The following KIF13A variants were observed in gnomAD, a reference collection of about 807,000 sequenced individuals.
KIF13A encodes kinesin family member 13A.
KIF13A carries 79 observed loss-of-function variants against 212.2 expected under a neutral mutation model. The ratio of observed to expected loss-of-function variants is 0.37; its 90% CI spans 0.31 to 0.45. The LOEUF is 0.45. Ranked by LOEUF, KIF13A falls within the 20% of genes least tolerant of loss-of-function variation. The probability of loss-of-function intolerance (pLI) is 1.00; values close to 1 mark genes in which losing one functional copy is unlikely to be tolerated. For synonymous variants in KIF13A, 789 were observed against 808.6 expected, an observed-to-expected ratio of 0.98 and a Z score of 0.41; for missense variants, 1,901 against 2,209.0, an observed-to-expected ratio of 0.86 and a Z score of 2.79.
At chr6:17,820,442 C>A (rs866620584) in intron 16 of KIF13A, among the ~76,000 whole-genome samples, 9 of 152,160 alleles carry the variant, frequency 5.9e-5, no homozygotes, top group South Asian at 2.1e-4. Context: ...ATTTTCTTTT[C>A]AAATCAATTA....
rs1023854342 is a variant in KIF13A, at chr6:17,918,135, G to C, written c.147-19955C>G. On this transcript the variant is annotated intron_variant, in intron 2 of 38. Transcript: ENST00000259711. The surrounding 1 kb of genome is among the most constrained non-coding windows in gnomAD (Gnocchi z 4.8). ...TAGGTCTGCCCTGCTTGGTGTCATG[G>C]ACCCCACACCAGGCACATGGTAAGC... Among the ~76,000 whole-genome samples the C allele has an allele frequency of 6.6e-6, 1 of 151,868 alleles. No individual in the cohort carries two copies. The highest frequency in any genetic ancestry group is 2.4e-5 in the African/African-American group (1 of 41,332).
rs151154826 is a variant in KIF13A, at chr6:17,872,083, T to G, written c.220+1294A>C. Among the ~76,000 whole-genome samples, 113 of 152,280 alleles carry G rather than the reference T, an allele frequency of 7.4e-4. 1 individual carries two copies. The highest frequency in any genetic ancestry group is 2.5e-3 in the African/African-American group (104 of 41,554). ...GAACTACTTACTCACTTTAATAAAA[T>G]ATATTGCTCAAGTTGTAGGAATGAT... is the stretch of plus-strand genomic sequence containing the variant. On this transcript the variant is annotated intron_variant, in intron 4 of 38. Coordinates refer to ENST00000259711, the MANE Select transcript of KIF13A (RefSeq NM_022113.6). This position sits in a 1 kb window ranked among gnomAD's most constrained non-coding sequence, Gnocchi z 4.7.
chr6:17,857,186 T>C (rs992030547), intron 4 of KIF13A, among the ~76,000 whole-genome samples: 1 of 152,206 alleles, frequency 6.6e-6, no homozygotes, highest in African/African-American at 2.4e-5. Flanking sequence ...TATACTATGA[T>C]ATATGATGAC....
At chr6:17,801,837 C>G (rs141968767) in intron 20 of KIF13A, among the ~76,000 whole-genome samples, 1 of 152,294 alleles carries the variant, frequency 6.6e-6, no homozygotes, top group East Asian at 1.9e-4. Flanking sequence ...GAAAGCCACA[C>G]AGATATGAGG....
rs1759210802 is a variant in KIF13A at position 17,768,469 on chromosome 6, C to T, written c.4581+2645G>A. On this transcript the variant is annotated intron_variant, in intron 38 of 38. Transcript: ENST00000259711. This position sits in a 1 kb window ranked among gnomAD's most constrained non-coding sequence, Gnocchi z 5.4. ...ATTTCCACTCCTATTATAATCATGT[C>T]GTGCTGTTCACCAGAGATCTCTGTT... Among the ~76,000 whole-genome samples the T allele has an allele frequency of 6.6e-6, 1 of 152,166 alleles. No homozygotes were observed.
chr6:17,904,941 T>A (rs1773366575), intron 2 of KIF13A, among the ~76,000 whole-genome samples: 1 of 152,226 alleles, frequency 6.6e-6, no homozygotes, highest in Admixed American at 6.5e-5. Context: ...CCTAAGGACA[T>A]ATTCCTTATT....
intron 16 of KIF13A, among the ~76,000 whole-genome samples, chr6:17,822,814 G>C (rs1427637021): frequency 2.0e-5 from 3 of 152,170 alleles, no homozygotes; most frequent in Non-Finnish European, 4.4e-5. Context: ...ATGTGATTCT[G>C]ATGTCTGAAC....
intron 4 of KIF13A, among the ~76,000 whole-genome samples, chr6:17,866,828 CATATATATATATAT>C (rs60217235): frequency 6.9e-3 from 159 of 22,914 alleles, no homozygotes; most frequent in African/African-American, 0.024. Flanking sequence ...AAAAGCAGCG[CATATATATATATAT>C]ATATATATAT....
chr6:17,911,010 G>A lies in KIF13A; in HGVS notation c.147-12830C>T, dbSNP rs371059023. 2.7e-4 allele frequency among the ~76,000 whole-genome samples: 41 copies of A among 152,244 alleles called. No individual in the cohort carries two copies. The South Asian group carries it at 3.7e-3, about 14-fold the overall frequency. On this transcript the variant is annotated intron_variant, in intron 2 of 38. Coordinates refer to ENST00000259711, the MANE Select transcript of KIF13A (RefSeq NM_022113.6). ...GATCTCCCGACCTCATGATCCGCCC[G>A]CCTCAGCCTCCCAAAGTGCTGGGAT... is the stretch of plus-strand genomic sequence containing the variant.
At chr6:17,929,889 A>C (rs1775846424) in intron 2 of KIF13A, among the ~76,000 whole-genome samples, 2 of 152,174 alleles carry the variant, frequency 1.3e-5, no homozygotes, top group African/African-American at 4.8e-5. Flanking sequence ...GAGGCACTAC[A>C]TGCAAACACA....
chr6:17,831,973 C>A (rs1765493003), intron 12 of KIF13A, among the ~76,000 whole-genome samples: 1 of 151,858 alleles, frequency 6.6e-6, no homozygotes, highest in Non-Finnish European at 1.5e-5. Context: ...CATAAGAAAA[C>A]AGTTAAGTCA....
intron 31 of KIF13A, among the ~76,000 whole-genome samples, 157 bp from the exon 32 acceptor site, chr6:17,779,841 C>G (rs1474813864): frequency 6.6e-6 from 1 of 150,984 alleles, no homozygotes; most frequent in Non-Finnish European, 1.5e-5. Context: ...CTGGGGTTCA[C>G]ACCATTCTCT....
In KIF13A at chr6:17,849,020, C is replaced by T. The variant is rs572250950; in HGVS notation, c.830+357G>A. On this transcript the variant is annotated intron_variant, in intron 9 of 38. Transcript: ENST00000259711. This position sits in a 1 kb window ranked among gnomAD's most constrained non-coding sequence, Gnocchi z 5.7. The stretch of plus-strand genomic sequence containing the variant: ...GCAACCTCCACCTCCCAAATTCAAG[C>T]GATTCTCCTGCATTAGTCTCCCAAG... Among the ~76,000 whole-genome samples the T allele has an allele frequency of 1.5e-3, 229 of 152,226 alleles. No homozygotes were observed. Among genetic ancestry groups the T allele is most frequent in the Non-Finnish European group, 2.9e-3 (196 of 68,016 alleles).
At chr6:17,844,957 A>C (rs1272360731) in intron 9 of KIF13A, among the ~76,000 whole-genome samples, 1 of 152,208 alleles carries the variant, frequency 6.6e-6, no homozygotes, top group Non-Finnish European at 1.5e-5. Context: ...AAAAAGGAAG[A>C]CTGAGTGTAT....
At position 17,892,840 on chromosome 6, in the gene KIF13A, C is replaced by T. The variant is rs1772186742; in HGVS notation, c.159+5328G>A. On this transcript the variant is annotated intron_variant, in intron 3 of 38. Coordinates refer to ENST00000259711, the MANE Select transcript of KIF13A (RefSeq NM_022113.6). The surrounding 1 kb of genome is among the most constrained non-coding windows in gnomAD (Gnocchi z 4.7). ...CCCTATGCATTGCTGCCATCTGACT[C>T]TTCCTGAGTTTTATCCTTTATCAAA... is the stretch of plus-strand genomic sequence containing the variant. 6.6e-6 allele frequency among the ~76,000 whole-genome samples: 1 copy of T among 152,208 alleles called. No homozygotes were observed.
intron 4 of KIF13A, among the ~76,000 whole-genome samples, chr6:17,866,733 G>A (rs1769404031): frequency 6.7e-6 from 1 of 150,124 alleles, no homozygotes; most frequent in Admixed American, 6.7e-5. Flanking sequence ...AACACCCTAA[G>A]GAACAAATGT....
At chr6:17,858,113 GCA>G (rs371897557) in intron 4 of KIF13A, among the ~76,000 whole-genome samples, 3 of 134,922 alleles carry the variant, frequency 2.2e-5, no homozygotes, top group Non-Finnish European at 5.0e-5. Flanking sequence ...GTGTGTGTGT[GCA>G]TGCACGCATG....
rs144354808 is a variant in KIF13A, at chr6:17,803,751, C to T, written c.2454+610G>A. On this transcript the variant is annotated intron_variant, in intron 20 of 38. Transcript: ENST00000259711. ...TGAGATTACCTTTAAAAAGAGAGAGCGATATGGGGCACAGAGCTGAATATG... is the reference window on the plus strand; with the variant it reads ...TGAGATTACCTTTAAAAAGAGAGAGTGATATGGGGCACAGAGCTGAATATG... Among the ~76,000 whole-genome samples, 53 of 152,154 alleles carry T rather than the reference C, an allele frequency of 3.5e-4. No homozygotes were observed. In the East Asian group the frequency reaches 9.3e-3, roughly 27 times the overall value.
chr6:17,896,165 G>A (rs576378358), intron 3 of KIF13A, among the ~76,000 whole-genome samples: 2 of 152,022 alleles, frequency 1.3e-5, no homozygotes, highest in African/African-American at 2.4e-5. Context: ...TTCTAACTGC[G>A]TTTGGTTGAA....
Sources: allele counts gnomAD v4.1 joint callset (sites outside exome capture counted in the v4.1 genomes callset), GRCh38; gene constraint gnomAD v4.1.1; non-coding constraint Gnocchi (gnomAD v3.1); transcripts MANE v1.5; gene names NCBI Gene and HGNC (gene_info 2026-07-23, HGNC 2026-07-21).